The following PCLO variants were observed in gnomAD, a reference collection of about 807,000 sequenced individuals.
The protein encoded by PCLO is protein piccolo.
In PCLO, 82 loss-of-function variants were observed where a neutral mutation model predicts 427.5. The ratio of observed to expected loss-of-function variants is 0.19; its 90% confidence interval spans 0.16 to 0.23. The LOEUF (loss-of-function observed/expected upper bound fraction) is 0.23, where lower values mean the gene tolerates loss of function less well. PCLO is among the 10% of genes least tolerant of loss of function. PCLO has a pLI of 1.00. For synonymous variants in PCLO, 2,357 were observed against 2,155.4 expected (o/e 1.09, Z -2.59); for missense variants, 6,239 against 6,115.9 (o/e 1.02, Z -0.67).
At chr7:83,073,204 A>G (rs1353541654) in intron 3 of PCLO, among the ~76,000 whole-genome samples, 1 of 152,064 alleles carries the variant, frequency 6.6e-6, no homozygotes, top group Admixed American at 6.6e-5. Flanking sequence ...TACAATATTA[A>G]AAAATTAGAG....
chr7:83,005,123 C>A (rs1787916155), intron 3 of PCLO, among the ~76,000 whole-genome samples: 3 of 151,492 alleles, frequency 2.0e-5, no homozygotes, highest in African/African-American at 4.8e-5. Context: ...TAGAAAAGAA[C>A]TACCATATGA....
rs1489926033 is a variant in PCLO, at chr7:82,824,224, A to G, written c.14596+12T>C. The G allele has an allele frequency of 6.4e-7, 1 of 1,574,688 alleles. No homozygotes were observed. Among genetic ancestry groups the G allele is most frequent in the Non-Finnish European group, 8.6e-7 (1 of 1,161,080 alleles). ...ACACAAAACTTTTTCTACTTAAAAAAATATTTCCTACCCTTTGATGGGTCA... is the reference window on the plus strand; with the variant it reads ...ACACAAAACTTTTTCTACTTAAAAAGATATTTCCTACCCTTTGATGGGTCA... On this transcript the variant is annotated intron_variant, in intron 19 of 24. Transcript: ENST00000333891.
chr7:82,801,563 G>T lies in PCLO; in HGVS notation c.14962C>A (p.Pro4988Thr), dbSNP rs775921391. 1.6e-5 allele frequency: 26 copies of T among 1,595,038 alleles called. No individual in the cohort carries two copies. Among genetic ancestry groups the T allele is most frequent in the Non-Finnish European group, 6.9e-6 (8 of 1,163,246 alleles). The stretch of plus-strand genomic sequence containing the variant: ...ACTCCTACCCCTGGCTGTTTTACAG[G>T]CTCTTGTCCATTCTGTCCCATCTTC... ...IGKMGQNGQE[P>T]VKQPGVGVGL... The change falls in exon 22 of 25, where the codon CCT (proline) becomes ACT (threonine). Residue 4988 changes from proline to threonine, a missense_variant. By Grantham distance (38) the Pro-to-Thr change is conservative. Transcript: ENST00000333891.
At chr7:82,887,751 T>C (rs896891424) in intron 9 of PCLO, among the ~76,000 whole-genome samples, 1 of 152,200 alleles carries the variant, frequency 6.6e-6, no homozygotes, top group Non-Finnish European at 1.5e-5. Context: ...AGATTCAATC[T>C]GAGCTTTACT....
intron 3 of PCLO, among the ~76,000 whole-genome samples, chr7:83,030,529 T>C (rs982121079): frequency 6.6e-6 from 1 of 152,144 alleles, no homozygotes; most frequent in Non-Finnish European, 1.5e-5. Context: ...GTCTGTTCAA[T>C]TTATACTGCA....
intron 3 of PCLO, among the ~76,000 whole-genome samples, chr7:82,995,898 G>A (rs76974913): frequency 0.011 from 1,713 of 151,840 alleles, 41 homozygotes; most frequent in African/African-American, 0.04. Flanking sequence ...TGTTTAGTAC[G>A]TACAAATGTC....
chr7:82,907,877 T>C (rs1251014636), intron 8 of PCLO, among the ~76,000 whole-genome samples: 1 of 152,000 alleles, frequency 6.6e-6, no homozygotes, highest in Non-Finnish European at 1.5e-5. Context: ...TCTAAGAGTA[T>C]AGTCAATGTA....
intron 10 of PCLO, among the ~76,000 whole-genome samples, chr7:82,848,108 T>C (rs543003680): frequency 6.6e-6 from 1 of 152,072 alleles, no homozygotes; most frequent in African/African-American, 2.4e-5. Context: ...GCTCCTTTGG[T>C]CCATTTTATA....
At chr7:82,764,829 T>G (rs951888423) in intron 22 of PCLO, among the ~76,000 whole-genome samples, 4 of 133,958 alleles carry the variant, frequency 3.0e-5, no homozygotes, top group Admixed American at 1.5e-4. Context: ...ATTTGAGGAG[T>G]AAAGATGATA....
rs1792128146 is a variant in PCLO, at chr7:83,151,490, T to C, written c.1893+3258A>G. On this transcript the variant is annotated intron_variant, in intron 2 of 24. Coordinates refer to ENST00000333891, the MANE Select transcript of PCLO (RefSeq NM_033026.6). ...CATGTTATTATTTTCATATGTCAAA[T>C]GGTGCCATTGTAACAGAAAGTGTAA... 2.6e-5 allele frequency among the ~76,000 whole-genome samples: 4 copies of C among 152,344 alleles called. No homozygotes were observed. In the South Asian group the frequency reaches 6.2e-4, roughly 24 times the overall value.
At chr7:83,054,136 A>G (rs1310576584) in intron 3 of PCLO, among the ~76,000 whole-genome samples, 1 of 152,062 alleles carries the variant, frequency 6.6e-6, no homozygotes, top group East Asian at 1.9e-4. Context: ...TGATTCAGAA[A>G]GTATATAAAA....
intron 3 of PCLO, among the ~76,000 whole-genome samples, chr7:83,075,067 C>T (rs928061377): frequency 3.3e-5 from 5 of 152,042 alleles, no homozygotes; most frequent in African/African-American, 9.7e-5. Context: ...CATGTCACCA[C>T]GTTAGTATTT....
rs375495710 is a variant in PCLO at position 82,955,061 on chromosome 7, C to T, written c.5892G>A (p.Thr1964=). ...GACTGCCATCTACCGATCCATTGTACGTGTCTTCTACTAAAGATTCATAAA... is the reference window on the plus strand; with the variant it reads ...GACTGCCATCTACCGATCCATTGTATGTGTCTTCTACTAAAGATTCATAAA... The part of the protein sequence containing the change: ...DYIYESLVED[T]YNGSVDGSLL... The change falls in exon 5 of 25, where the codon ACG becomes ACA. Residue 1964 remains threonine (T), a synonymous_variant. Transcript: ENST00000333891. 2.4e-5 allele frequency: 39 copies of T among 1,613,652 alleles called. 1 individual carries two copies. The South Asian group carries it at 3.1e-4, about 13-fold the overall frequency.
intron 22 of PCLO, among the ~76,000 whole-genome samples, chr7:82,776,314 C>T (rs1010657456): frequency 1.3e-5 from 2 of 151,948 alleles, no homozygotes; most frequent in Admixed American, 6.6e-5. Context: ...AAAACTGGGC[C>T]GGGCGTGGTG....
At position 82,955,171 on chromosome 7, in the gene PCLO, A is replaced by G; in HGVS notation, c.5782T>C (p.Tyr1928His). The change falls in exon 5 of 25, where the codon TAC becomes CAC. Residue 1928 changes from tyrosine (Y) to histidine (H), a missense_variant. Coordinates refer to ENST00000333891, the MANE Select transcript of PCLO (RefSeq NM_033026.6). ...YEEMMHKTHKYKAFPAANERD... is the reference protein window; with the variant it reads ...YEEMMHKTHKHKAFPAANERD... ...TCATTTGCAGCTGGAAAAGCTTTGT[A>G]TTTGTGTGTTTTATGCATCATTTCT... 1.2e-6 allele frequency: 2 copies of G among 1,613,778 alleles called. No homozygotes were observed. The highest frequency in any genetic ancestry group is 1.7e-6 in the Non-Finnish European group (2 of 1,179,848).
intron 1 of PCLO, among the ~76,000 whole-genome samples, chr7:83,158,663 T>C (rs1792359271): frequency 6.6e-6 from 1 of 152,010 alleles, no homozygotes; most frequent in Admixed American, 6.6e-5. Flanking sequence ...ATGTCAAATA[T>C]TTGTGATAAT....
chr7:82,827,442 G>A (rs1294936546), intron 17 of PCLO, among the ~76,000 whole-genome samples: 3 of 151,994 alleles, frequency 2.0e-5, no homozygotes, highest in Non-Finnish European at 4.4e-5. Context: ...ATTTAGCAAA[G>A]AGATGAGATC....
At chr7:82,851,653 A>C (rs1407429437) in intron 10 of PCLO, among the ~76,000 whole-genome samples, 1 of 152,132 alleles carries the variant, frequency 6.6e-6, no homozygotes, top group African/African-American at 2.4e-5. Flanking sequence ...TGTAGTATAA[A>C]TTATTTGTAA....
Position 82,951,091 on chromosome 7 carries a change from T to C in PCLO, c.9497A>G (p.Gln3166Arg). 1 of 1,613,888 alleles carries C rather than the reference T, an allele frequency of 6.2e-7. No homozygotes were observed. ...AGTAAGAGACTCCATAGTAATAGTT[T>C]GCAAACTGGCACTGATATCAATACC... ...VTGIDISASL[Q>R]TITMESLTAE... Residue 3166 changes from glutamine (Q) to arginine (R), a missense_variant, in exon 6 of 25, where the codon CAA (glutamine) becomes CGA (arginine). Physicochemically the swap from Gln to Arg is conservative, Grantham distance 43. Transcript: ENST00000333891.
Sources: gnomAD v4.1 joint callset for allele counts (sites outside exome capture counted in the v4.1 genomes callset) on GRCh38, gnomAD v4.1.1 for gene constraint, MANE v1.5 for transcripts, NCBI Gene and HGNC (gene_info 2026-07-23, HGNC 2026-07-21) for gene names.